Variants in SMOC2 observed in about 807,000 individuals in gnomAD.
The protein encoded by SMOC2 is SPARC-related modular calcium-binding protein 2.
Under a neutral mutation model 61.4 loss-of-function variants are expected in SMOC2, and 39 were observed. That is an observed-to-expected ratio of 0.64 (90% CI 0.49 to 0.83). The LOEUF (loss-of-function observed/expected upper bound fraction) is 0.83, where lower values mean the gene tolerates loss of function less well. Ranked by LOEUF, SMOC2 falls within the 40% of genes least tolerant of loss-of-function variation. The probability of loss-of-function intolerance (pLI) is 0.00; values close to 1 mark genes in which losing one functional copy is unlikely to be tolerated. For synonymous variants in SMOC2, 247 were observed against 239.9 expected, an observed-to-expected ratio of 1.03 and a Z score of -0.27; for missense variants, 556 against 592.9, an observed-to-expected ratio of 0.94 and a Z score of 0.65.
intron 9 of SMOC2, among the ~76,000 whole-genome samples, chr6:168,613,433 C>A (rs543143584): frequency 6.6e-6 from 1 of 152,222 alleles, no homozygotes; most frequent in South Asian, 2.1e-4. Flanking sequence ...GTACCCCAAG[C>A]CAGGGTCCTC....
intron 1 of SMOC2, among the ~76,000 whole-genome samples, chr6:168,443,677 T>C (rs1781268316): frequency 6.6e-6 from 1 of 152,214 alleles, no homozygotes; most frequent in Admixed American, 6.5e-5. Context: ...TTCAGTGTGC[T>C]CATCTCTTTT....
At position 168,535,180 on chromosome 6, in the gene SMOC2, C is replaced by T. The variant is rs1783704844; in HGVS notation, c.463+7453C>T. ...AGAAACGGGGTTTCACCGTGTTAGC[C>T]TGGATGGTCTCAATCTCCTGACCTT... On this transcript the variant is annotated intron_variant, in intron 4 of 12. Coordinates refer to ENST00000356284, the MANE Select transcript of SMOC2 (RefSeq NM_001166412.2). The surrounding 1 kb of genome is among the most constrained non-coding windows in gnomAD (Gnocchi z 4.6). Among the ~76,000 whole-genome samples, 1 of 152,050 alleles carries T rather than the reference C, an allele frequency of 6.6e-6. No individual in the cohort carries two copies. Among genetic ancestry groups the T allele is most frequent in the Non-Finnish European group, 1.5e-5 (1 of 68,036 alleles).
intron 11 of SMOC2, among the ~76,000 whole-genome samples, chr6:168,659,915 G>T (rs1787459176): frequency 6.6e-6 from 1 of 151,134 alleles, no homozygotes; most frequent in African/African-American, 2.4e-5. Context: ...GTTGGGTGAG[G>T]TTGGAGGTTG....
chr6:168,459,596 G>A (rs1352892841), intron 1 of SMOC2, among the ~76,000 whole-genome samples: 2 of 133,672 alleles, frequency 1.5e-5, no homozygotes, highest in Non-Finnish European at 3.2e-5. Flanking sequence ...CCTGGGGTGG[G>A]TGAGCACTGG....
At chr6:168,467,739 G>A (rs532416540) in intron 1 of SMOC2, among the ~76,000 whole-genome samples, 114 of 152,234 alleles carry the variant, frequency 7.5e-4, no homozygotes, top group African/African-American at 2.7e-3. Context: ...GAATTTTATG[G>A]TATGTGAAAT....
intron 9 of SMOC2, among the ~76,000 whole-genome samples, chr6:168,626,271 CAA>C (rs1288356223): frequency 1.3e-5 from 2 of 152,174 alleles, no homozygotes; most frequent in African/African-American, 4.8e-5. Flanking sequence ...TGTGCAGAAG[CAA>C]AGTCTTCACC....
At chr6:168,568,611 G>A (rs9456201) in intron 7 of SMOC2, among the ~76,000 whole-genome samples, 32,497 of 152,000 alleles carry the variant, frequency 0.21, 4,145 homozygotes, top group Middle Eastern at 0.39. Flanking sequence ...CTAGAGTGAC[G>A]TGTACCCACC....
intron 7 of SMOC2, among the ~76,000 whole-genome samples, chr6:168,579,391 C>T (rs559054130): frequency 6.6e-6 from 1 of 152,254 alleles, no homozygotes; most frequent in South Asian, 2.1e-4. Flanking sequence ...TTTTATTTCT[C>T]ATCAGCTGTA....
At chr6:168,653,651 TCTACCTGA>T (rs1787259845) in intron 11 of SMOC2, among the ~76,000 whole-genome samples, 8 of 129,340 alleles carry the variant, frequency 6.2e-5, no homozygotes, top group African/African-American at 1.8e-4. Context: ...TCACCAACCC[TCTACCTGA>T]GCTCCAACCA....
Position 168,475,095 on chromosome 6 carries a change from T to G in SMOC2, c.84+33641T>G, listed in dbSNP as rs548078680. On this transcript the variant is annotated intron_variant, in intron 1 of 12. Transcript: ENST00000356284. The surrounding 1 kb of genome is among the most constrained non-coding windows in gnomAD (Gnocchi z 4.6). Reference sequence around the variant, plus strand: ...TTATGGTAGGTCAGCACTCATGCCATACACTCTTGTCAGCTGGTTTCTCAT... The same window carrying G: ...TTATGGTAGGTCAGCACTCATGCCAGACACTCTTGTCAGCTGGTTTCTCAT... Among the ~76,000 whole-genome samples the G allele has an allele frequency of 2.0e-5, 3 of 152,258 alleles. No individual in the cohort carries two copies. The South Asian group carries it at 6.2e-4, about 32-fold the overall frequency.
Position 168,553,815 on chromosome 6 carries a change from C to G in SMOC2, c.637+4612C>G, listed in dbSNP as rs1278130727. On this transcript the variant is annotated intron_variant, in intron 7 of 12. Coordinates refer to ENST00000356284, the MANE Select transcript of SMOC2 (RefSeq NM_001166412.2). This position sits in a 1 kb window ranked among gnomAD's most constrained non-coding sequence, Gnocchi z 4.2. ...GTGACGTGACCTATGGGAAAGAGCA[C>G]TCAGAAATAATGGGAAGATGGAGAA... 6.6e-6 allele frequency among the ~76,000 whole-genome samples: 1 copy of G among 152,184 alleles called. No individual in the cohort carries two copies. Among genetic ancestry groups the G allele is most frequent in the Non-Finnish European group, 1.5e-5 (1 of 68,032 alleles).
chr6:168,624,463 T>C (rs1277858058), intron 9 of SMOC2, among the ~76,000 whole-genome samples: 1 of 152,208 alleles, frequency 6.6e-6, no homozygotes, highest in Admixed American at 6.5e-5. Context: ...AGAAGAGAAT[T>C]GTTATGAAGT....
chr6:168,598,960 C>T lies in SMOC2; in HGVS notation c.780C>T (p.Cys260=), dbSNP rs753843952. The change falls in exon 8 of 13, where the codon TGC becomes TGT. Residue 260 remains cysteine, a synonymous_variant. Transcript: ENST00000356284. ...QCHPSTGYCW[C]VLVDTGRPIP... is the part of the protein sequence containing the mutation. The stretch of plus-strand genomic sequence containing the variant: ...ACCCCTCCACGGGGTACTGCTGGTG[C>T]GTCCTGGTGGACACGGGGCGCCCCA... 2.1e-5 allele frequency: 34 copies of T among 1,613,076 alleles called. No homozygotes were observed. In the South Asian group the frequency reaches 3.3e-4, roughly 16 times the overall value.
At chr6:168,632,091 C>T (rs1303006211) in intron 9 of SMOC2, among the ~76,000 whole-genome samples, 2 of 152,230 alleles carry the variant, frequency 1.3e-5, no homozygotes, top group Non-Finnish European at 2.9e-5. Flanking sequence ...TATAAAATTG[C>T]ATAATAATTC....
At chr6:168,599,828 C>CAT (rs1785489854) in intron 8 of SMOC2, among the ~76,000 whole-genome samples, 1 of 119,670 alleles carries the variant, frequency 8.4e-6, no homozygotes, top group Non-Finnish European at 1.8e-5. Flanking sequence ...CACACACACA[C>CAT]GCCCCCCACA....
chr6:168,614,888 GA>G (rs1247301439), intron 9 of SMOC2, among the ~76,000 whole-genome samples: 1 of 4,032 alleles, frequency 2.5e-4, no homozygotes, highest in Admixed American at 4.4e-3. Flanking sequence ...CAGCACAGGG[GA>G]CCTCTTCACA....
intron 7 of SMOC2, among the ~76,000 whole-genome samples, chr6:168,567,426 T>A (rs1274995681): frequency 6.6e-6 from 1 of 152,228 alleles, no homozygotes; most frequent in Non-Finnish European, 1.5e-5. Flanking sequence ...AGATGTTTGT[T>A]GATAAATTAC....
At chr6:168,478,769 T>A (rs1259647888) in intron 1 of SMOC2, among the ~76,000 whole-genome samples, 1 of 152,150 alleles carries the variant, frequency 6.6e-6, no homozygotes, top group African/African-American at 2.4e-5. Flanking sequence ...AGAACAGCCC[T>A]GGTTGTCAGA....
intron 1 of SMOC2, among the ~76,000 whole-genome samples, chr6:168,444,426 A>G (rs1245014442): frequency 6.6e-6 from 1 of 152,166 alleles, no homozygotes; most frequent in Non-Finnish European, 1.5e-5. Context: ...AGATTCAGAG[A>G]ATCCACTTTG....
Sources: allele counts gnomAD v4.1 joint callset (sites outside exome capture counted in the v4.1 genomes callset), GRCh38; gene constraint gnomAD v4.1.1; non-coding constraint Gnocchi (gnomAD v3.1); transcripts MANE v1.5; gene names NCBI Gene and HGNC (gene_info 2026-07-23, HGNC 2026-07-21).